Variants in OLFM4 observed in about 807,000 individuals in gnomAD.
The protein encoded by OLFM4 is olfactomedin-4.
In OLFM4, 22 loss-of-function variants were observed where a neutral mutation model predicts 25.5. The observed-to-expected ratio is 0.86, with a 90% CI of 0.62 to 1.23. OLFM4 has a LOEUF of 1.23. Among genes scored for constraint, OLFM4 ranks in the 50% most tolerant of loss-of-function variants. The pLI, the probability that OLFM4 is intolerant of heterozygous loss-of-function variation, is 0.00. For synonymous variants in OLFM4, 255 were observed against 237.7 expected, an observed-to-expected ratio of 1.07 and a Z score of -0.67; for missense variants, 594 against 619.4, an observed-to-expected ratio of 0.96 and a Z score of 0.44.
chr13:53,042,872 A>G (rs1050423490), intron 3 of OLFM4, among the ~76,000 whole-genome samples: 1 of 152,226 alleles, frequency 6.6e-6, no homozygotes, highest in Non-Finnish European at 1.5e-5. Context: ...CTTGGGCTCT[A>G]TTATTAAAGC....
At chr13:53,042,185 G>A (rs1476169343) in intron 3 of OLFM4, 63 bp downstream of exon 3, 3 of 1,380,950 alleles carry the variant, frequency 2.2e-6, no homozygotes, top group African/African-American at 1.4e-5. Context: ...CTGTAAGCAA[G>A]TACTAGTACC....
intron 4 of OLFM4, 36 bp downstream of exon 4, chr13:53,043,300 A>T: frequency 6.5e-7 from 1 of 1,533,210 alleles, no homozygotes; most frequent in Non-Finnish European, 8.8e-7. Context: ...CTTGTGCCAG[A>T]CCCCATAAGG....
intron 2 of OLFM4, among the ~76,000 whole-genome samples, chr13:53,040,021 C>T (rs994930569): frequency 6.6e-6 from 1 of 152,206 alleles, no homozygotes; most frequent in Non-Finnish European, 1.5e-5. Flanking sequence ...GCTCTAAATT[C>T]ATCCAGGCAC....
At chr13:53,032,319 C>A (rs1954633240) in intron 1 of OLFM4, among the ~76,000 whole-genome samples, 1 of 151,706 alleles carries the variant, frequency 6.6e-6, no homozygotes, top group African/African-American at 2.4e-5. Flanking sequence ...TAATTAAACT[C>A]CCCTTGTTAA....
chr13:53,045,666 G>C (rs537116706), intron 4 of OLFM4, among the ~76,000 whole-genome samples: 1 of 152,150 alleles, frequency 6.6e-6, no homozygotes, highest in African/African-American at 2.4e-5. Context: ...AAGTAACTCT[G>C]CGCTCTCTGG....
chr13:53,036,997 C>T (rs924324853), intron 2 of OLFM4, among the ~76,000 whole-genome samples: 1 of 152,176 alleles, frequency 6.6e-6, no homozygotes, highest in African/African-American at 2.4e-5. Flanking sequence ...GTAGTAATGC[C>T]TTCAAATCCA....
Position 53,051,575 on chromosome 13 carries a change from T to TA in OLFM4, c.*811dup, listed in dbSNP as rs1347426106. ...ACCAACCCCCTTCTACTGCCTACTT[T>TA]AAAAAAATTAATAGTTTTCTATGGA... On this transcript the variant is annotated 3_prime_UTR_variant, in exon 5 of 5. Coordinates refer to ENST00000219022, the MANE Select transcript of OLFM4 (RefSeq NM_006418.5). 7 of 152,248 alleles carry TA rather than the reference T, an allele frequency of 4.6e-5. No individual in the cohort carries two copies. In the East Asian group the frequency reaches 7.7e-4, roughly 17 times the overall value. 9.4% of individuals were successfully genotyped at this position (152,248 alleles called of 1,614,324 possible).
chr13:53,039,634 A>G (rs1954677346), intron 2 of OLFM4, among the ~76,000 whole-genome samples: 1 of 146,300 alleles, frequency 6.8e-6, no homozygotes. Context: ...ATACTGTACC[A>G]TTTTCTGTCA....
intron 4 of OLFM4, among the ~76,000 whole-genome samples, chr13:53,046,584 A>T (rs9596761): frequency 0.038 from 5,794 of 152,222 alleles, 136 homozygotes; most frequent in East Asian, 0.077. Flanking sequence ...TATTCCACAA[A>T]CATAATTTGG....
chr13:53,032,521 C>T (rs1453865259), intron 1 of OLFM4, among the ~76,000 whole-genome samples: 1 of 152,096 alleles, frequency 6.6e-6, no homozygotes, highest in Non-Finnish European at 1.5e-5. Flanking sequence ...GTGTATCTTA[C>T]CGAGTCTTTA....
intron 2 of OLFM4, among the ~76,000 whole-genome samples, chr13:53,038,823 A>G (rs1006059630): frequency 6.6e-6 from 1 of 152,248 alleles, no homozygotes; most frequent in East Asian, 1.9e-4. Context: ...TGAAAAGTTC[A>G]TATGAATGAT....
chr13:53,034,076 A>AG (rs796398666), intron 1 of OLFM4, among the ~76,000 whole-genome samples: 2,943 of 142,258 alleles, frequency 0.021, 93 homozygotes, highest in South Asian at 0.05. Context: ...AAAAAAAAAA[A>AG]AAAAAGCCTC....
chr13:53,044,581 T>C (rs1053396101), intron 4 of OLFM4, among the ~76,000 whole-genome samples: 5 of 152,162 alleles, frequency 3.3e-5, no homozygotes, highest in African/African-American at 1.2e-4. Flanking sequence ...TAGGAGTGTG[T>C]CCTACTATGA....
chr13:53,042,214 T>C lies in OLFM4; in HGVS notation c.570+92T>C. Reference sequence around the variant, plus strand: ...TAGTACCAGGAAGTGAAACTATCTCTTCCAACTTCTAATTCTCTACTGTCT... The same window carrying C: ...TAGTACCAGGAAGTGAAACTATCTCCTCCAACTTCTAATTCTCTACTGTCT... On this transcript the variant is annotated intron_variant, in intron 3 of 4. Coordinates refer to ENST00000219022, the MANE Select transcript of OLFM4 (RefSeq NM_006418.5). The C allele has an allele frequency of 4.8e-6, 5 of 1,045,096 alleles. No homozygotes were observed. In the South Asian group the frequency reaches 7.4e-5, roughly 16 times the overall value. The allele number at this position is 1,045,096 out of a possible 1,614,324, so 64.7% of individuals were successfully genotyped here. A position where few individuals can be genotyped will look rare whatever the true frequency, so the allele number is the denominator to read the frequency against.
intron 2 of OLFM4, 147 bp downstream of exon 2, chr13:53,034,647 C>A: frequency 1.3e-6 from 1 of 744,710 alleles, no homozygotes; most frequent in Non-Finnish European, 2.1e-6. Context: ...TTTTATAGGA[C>A]ACCAATGGAG....
intron 4 of OLFM4, among the ~76,000 whole-genome samples, chr13:53,044,582 C>T (rs1191659597): frequency 1.3e-5 from 2 of 152,082 alleles, no homozygotes; most frequent in Non-Finnish European, 2.9e-5. Context: ...AGGAGTGTGT[C>T]CTACTATGAC....
rs373623147 is a variant in OLFM4 at position 53,050,369 on chromosome 13, T to C, written c.1131T>C (p.Asn377=). 7.4e-6 allele frequency: 12 copies of C among 1,613,952 alleles called. No individual in the cohort carries two copies. Among genetic ancestry groups the C allele is most frequent in the Non-Finnish European group, 1.0e-5 (12 of 1,179,982 alleles). ...ATAATAACCGCTTTTCATATGCTAA[T>C]GTTGCTTGGCAAGATATTGACTTTG... ...AAYNNRFSYA[N]VAWQDIDFAV... The change falls in exon 5 of 5, where the codon AAT becomes AAC. Residue 377 remains asparagine, a synonymous_variant. Coordinates refer to ENST00000219022, the MANE Select transcript of OLFM4 (RefSeq NM_006418.5).
chr13:53,029,053 C>G lies in OLFM4; in HGVS notation c.204+13C>G. On this transcript the variant is annotated intron_variant, in intron 1 of 4. Coordinates refer to ENST00000219022, the MANE Select transcript of OLFM4 (RefSeq NM_006418.5). ...TTCTGTGTCCCAGGTGAGGAGGCCC[C>G]AGAATCTGAATGAGCTGCATTCATT... The G allele has an allele frequency of 4.3e-6, 7 of 1,613,594 alleles. No homozygotes were observed. Among genetic ancestry groups the G allele is most frequent in the Non-Finnish European group, 5.9e-6 (7 of 1,180,014 alleles).
chr13:53,029,329 T>C (rs1954616207), intron 1 of OLFM4, among the ~76,000 whole-genome samples: 1 of 152,190 alleles, frequency 6.6e-6, no homozygotes, highest in Admixed American at 6.5e-5. Flanking sequence ...GGGGGGACTC[T>C]AAAAGTACAG....
Sources: gnomAD v4.1 joint callset for allele counts (sites outside exome capture counted in the v4.1 genomes callset) on GRCh38, gnomAD v4.1.1 for gene constraint, MANE v1.5 for transcripts, NCBI Gene and HGNC (gene_info 2026-07-23, HGNC 2026-07-21) for gene names.